COPE: variants seen among roughly 807,000 people sequenced by gnomAD.
COPE encodes coatomer subunit epsilon.
In COPE, 19 loss-of-function variants were observed where a neutral mutation model predicts 42.1. The observed-to-expected ratio is 0.45, with a 90% CI of 0.31 to 0.66. The LOEUF (loss-of-function observed/expected upper bound fraction) is 0.66. Ranked by LOEUF, COPE falls within the 30% of genes least tolerant of loss-of-function variation. The pLI is 0.05. For synonymous variants in COPE, 195 were observed against 181.3 expected, an observed-to-expected ratio of 1.08 and a Z score of -0.60; for missense variants, 402 against 416.1, an observed-to-expected ratio of 0.97 and a Z score of 0.30.
At chr19:18,919,180 C>G in intron 1 of COPE, 43 bp downstream of exon 1, 1 of 1,575,294 alleles carries the variant, frequency 6.3e-7, no homozygotes, top group Non-Finnish European at 8.6e-7. Flanking sequence ...AAAGCGTCCT[C>G]CGCCTCCGCC....
Position 18,919,290 on chromosome 19 carries a change from A to C in COPE, c.59T>G (p.Phe20Cys), listed in dbSNP as rs757287662. 6.2e-7 allele frequency: 1 copy of C among 1,613,984 alleles called. No homozygotes were observed. The highest frequency in any genetic ancestry group is 8.5e-7 in the Non-Finnish European group (1 of 1,180,020). Residue 20 changes from phenylalanine (F) to cysteine (C), a missense_variant, in exon 1 of 10, where the codon TTC (phenylalanine) becomes TGC (cysteine). Physicochemically the swap from Phe to Cys is radical, Grantham distance 205. Coordinates refer to ENST00000262812, the MANE Select transcript of COPE (RefSeq NM_007263.4). ...GATGTAGAAGGCGTTCTTTACGTCG[A>C]ACAGCTCGTCTACCTCCCCGGAGCC... ...SGGSGEVDEL[F>C]DVKNAFYIGS...
chr19:18,916,202 A>G (rs1010201141), intron 1 of COPE, among the ~76,000 whole-genome samples: 1 of 151,634 alleles, frequency 6.6e-6, no homozygotes, highest in Non-Finnish European at 1.5e-5. Context: ...AAAAAACAAA[A>G]ATTAGCTGGG....
intron 1 of COPE, among the ~76,000 whole-genome samples, chr19:18,913,650 G>T (rs533410521): frequency 2.0e-5 from 3 of 152,208 alleles, no homozygotes; most frequent in Non-Finnish European, 4.4e-5. Flanking sequence ...TGCCCCCGGA[G>T]GCTGGCTGAC....
In COPE at chr19:18,907,048, A is replaced by G. The variant is rs2056767077; in HGVS notation, c.355T>C (p.Phe119Leu). ...TAGATGGAGGCGGCCATGAGCAGGA[A>G]GGTGGTGTTGGTCACGTCCACGCTC... is the stretch of plus-strand genomic sequence containing the variant. ...SRSVDVTNTT[F>L]LLMAASIYLH... The change falls in exon 4 of 10, where the codon TTC (phenylalanine) becomes CTC (leucine). Residue 119 changes from phenylalanine (F) to leucine (L), a missense_variant. Transcript: ENST00000262812. 6.2e-7 allele frequency: 1 copy of G among 1,608,024 alleles called. No homozygotes were observed. The highest frequency in any genetic ancestry group is 8.5e-7 in the Non-Finnish European group (1 of 1,177,874).
At chr19:18,909,964 C>T (rs765472521) in intron 3 of COPE, among the ~76,000 whole-genome samples, 74 of 152,202 alleles carry the variant, frequency 4.9e-4, no homozygotes, top group Non-Finnish European at 8.8e-4. Flanking sequence ...AGGATATGGA[C>T]GTACCTTTTG....
intron 1 of COPE, among the ~76,000 whole-genome samples, chr19:18,915,123 G>C (rs758731490): frequency 1.3e-5 from 2 of 152,170 alleles, no homozygotes; most frequent in African/African-American, 4.8e-5. Flanking sequence ...AAGGAGGATC[G>C]CTTGAGCCTG....
intron 7 of COPE, among the ~76,000 whole-genome samples, chr19:18,902,729 G>A (rs1211519030): frequency 1.6e-5 from 1 of 62,870 alleles, no homozygotes; most frequent in Non-Finnish European, 3.0e-5. Flanking sequence ...GGAAAGGAAG[G>A]AAAGGAAGGA....
At chr19:18,914,755 CTTTTTT>C (rs749395912) in intron 1 of COPE, among the ~76,000 whole-genome samples, 2 of 121,878 alleles carry the variant, frequency 1.6e-5, no homozygotes, top group South Asian at 5.6e-4. Context: ...AAAGCATAGT[CTTTTTT>C]TTTTTTTTTT....
chr19:18,901,600 G>A (rs1044070766), intron 7 of COPE, among the ~76,000 whole-genome samples: 1 of 152,236 alleles, frequency 6.6e-6, no homozygotes, highest in African/African-American at 2.4e-5. Flanking sequence ...AGTCAGACAG[G>A]GAGGAGGGCT....
At chr19:18,913,080 G>A (rs1396766268) in intron 1 of COPE, 34 bp from the exon 2 acceptor site, 1 of 1,587,882 alleles carries the variant, frequency 6.3e-7, no homozygotes, top group South Asian at 1.1e-5. Context: ...GACGCACAGT[G>A]GGAGGCCCAG....
At chr19:18,907,732 A>G (rs1265976293) in intron 3 of COPE, among the ~76,000 whole-genome samples, 1 of 152,168 alleles carries the variant, frequency 6.6e-6, no homozygotes, top group South Asian at 2.1e-4. Context: ...CCCCATGGCT[A>G]TTGAGCAGCT....
chr19:18,909,351 G>A (rs1601225265), intron 3 of COPE, among the ~76,000 whole-genome samples: 1 of 152,224 alleles, frequency 6.6e-6, no homozygotes, highest in African/African-American at 2.4e-5. Flanking sequence ...CCGTAAGTCT[G>A]AAGTCAAGGT....
chr19:18,918,351 A>G (rs1349215703), intron 1 of COPE, among the ~76,000 whole-genome samples: 2 of 130,194 alleles, frequency 1.5e-5, no homozygotes, highest in African/African-American at 5.0e-5. Context: ...TAGTCTGTAA[A>G]AGAGTGTTAC....
At chr19:18,902,252 G>A (rs913163321) in intron 7 of COPE, among the ~76,000 whole-genome samples, 1 of 151,634 alleles carries the variant, frequency 6.6e-6, no homozygotes, top group Non-Finnish European at 1.5e-5. Flanking sequence ...GGGAGGCTGA[G>A]GTGGGACGAT....
At chr19:18,899,754 G>C in intron 9 of COPE, 28 bp from the exon 10 acceptor site, 1 of 1,613,506 alleles carries the variant, frequency 6.2e-7, no homozygotes, top group Non-Finnish European at 8.5e-7. Context: ...GCAACACAGG[G>C]TGGGGGCAGG....
chr19:18,919,188 G>A (rs377081704), intron 1 of COPE, 35 bp downstream of exon 1: 3 of 1,582,896 alleles, frequency 1.9e-6, no homozygotes, highest in Non-Finnish European at 2.6e-6. Flanking sequence ...CTCCGCCTCC[G>A]CCCCCAGCGT....
rs1473882985 is a variant in COPE, at chr19:18,904,786, C to G, written c.564G>C (p.Trp188Cys). The change falls in exon 6 of 10, where the codon TGG becomes TGC. Residue 188 changes from tryptophan to cysteine, a missense_variant. By Grantham distance (215) the Trp-to-Cys change is radical. Transcript: ENST00000262812. ...TAGGGCTCACCGTGGCCAGGCTGAC[C>G]CAGGCAGTGGCGAGCTGGGTGAGGG... ...DATLTQLATA[W>C]VSLATGGEKL... is the part of the protein sequence containing the mutation. 6.4e-7 allele frequency: 1 copy of G among 1,553,834 alleles called. No individual in the cohort carries two copies. Among genetic ancestry groups the G allele is most frequent in the South Asian group, 1.2e-5 (1 of 84,188 alleles).
chr19:18,899,900 ATGGGACCTG>A lies in COPE; in HGVS notation c.843_851del (p.Arg282_His284del). ...TGGCCTGGTACTCCTTGATGAAGGG[ATGGGACCTG>A]TGGGCATCCTTCAGCTGGGACAGGT... On this transcript the variant is annotated inframe_deletion, in exon 9 of 10. Transcript: ENST00000262812. 1 of 1,613,598 alleles carries A rather than the reference ATGGGACCTG, an allele frequency of 6.2e-7. No homozygotes were observed. Among genetic ancestry groups the A allele is most frequent in the Non-Finnish European group, 8.5e-7 (1 of 1,179,814 alleles).
intron 4 of COPE, chr19:18,906,088 A>G (rs955259680): frequency 6.7e-5 from 27 of 400,580 alleles, no homozygotes; most frequent in African/African-American, 5.1e-4. Context: ...GTGACCACGA[A>G]TTACTCGTGA....
Sources: allele counts gnomAD v4.1 joint callset (sites outside exome capture counted in the v4.1 genomes callset), GRCh38; gene constraint gnomAD v4.1.1; transcripts MANE v1.5; gene names NCBI Gene and HGNC (gene_info 2026-07-23, HGNC 2026-07-21).